ALK: variants seen among roughly 807,000 people sequenced by gnomAD.
ALK encodes the protein ALK receptor tyrosine kinase, also known as ALK tyrosine kinase receptor.
Under a neutral mutation model 163.1 loss-of-function variants are expected in ALK, and 74 were observed. The ratio of observed to expected loss-of-function variants is 0.45; its 90% CI spans 0.38 to 0.55. The LOEUF (loss-of-function observed/expected upper bound fraction) is 0.55. Ranked by LOEUF, ALK falls within the 20% of genes least tolerant of loss-of-function variation. ALK has a pLI of 0.00. For synonymous variants in ALK, 960 were observed against 843.2 expected (o/e 1.14, Z -2.40); for missense variants, 2,063 against 2,105.3 (o/e 0.98, Z 0.39).
At chr2:29,311,729 G>A (rs1309099794) in intron 8 of ALK, among the ~76,000 whole-genome samples, 1 of 152,110 alleles carries the variant, frequency 6.6e-6, no homozygotes, top group Non-Finnish European at 1.5e-5. Context: ...CCAGCTGTGT[G>A]TGGTCTAGGT....
chr2:29,603,784 C>A (rs1675443702), intron 3 of ALK, among the ~76,000 whole-genome samples: 1 of 152,112 alleles, frequency 6.6e-6, no homozygotes, highest in Admixed American at 6.5e-5. Context: ...AGAAACCATC[C>A]CTCAGTTTAT....
At chr2:29,212,192 T>C (rs12999369) in intron 24 of ALK, among the ~76,000 whole-genome samples, 60,575 of 152,050 alleles carry the variant, frequency 0.4, 14,011 homozygotes, top group Non-Finnish European at 0.52. Context: ...GTTGCTCTCA[T>C]AGGAGTCTAG....
At chr2:29,440,581 T>C (rs1281200868) in intron 4 of ALK, among the ~76,000 whole-genome samples, 2 of 152,124 alleles carry the variant, frequency 1.3e-5, no homozygotes, top group Non-Finnish European at 2.9e-5. Flanking sequence ...CCTCCCAAAG[T>C]GCTGGGATTA....
chr2:29,328,985 G>C (rs1667359762), intron 5 of ALK, among the ~76,000 whole-genome samples: 1 of 152,132 alleles, frequency 6.6e-6, no homozygotes, highest in African/African-American at 2.4e-5. Context: ...TTTCTGTTCT[G>C]GAATGCAAAG....
intron 3 of ALK, among the ~76,000 whole-genome samples, chr2:29,683,413 A>AAAAACC (rs1678135269): frequency 6.6e-6 from 1 of 151,784 alleles, no homozygotes; most frequent in Non-Finnish European, 1.5e-5. Context: ...AAACAAAAAC[A>AAAAACC]AAAAAAATGA....
chr2:29,303,676 T>C lies in ALK; in HGVS notation c.1648-6619A>G, dbSNP rs139690160. 9.7e-3 allele frequency among the ~76,000 whole-genome samples: 1,475 copies of C among 152,284 alleles called. 25 individuals carry two copies. The highest frequency in any genetic ancestry group is 0.033 in the African/African-American group (1,378 of 41,556). On this transcript the variant is annotated intron_variant, in intron 8 of 28. Coordinates refer to ENST00000389048, the MANE Select transcript of ALK (RefSeq NM_004304.5). Reference sequence around the variant, plus strand: ...CATCGGATAAAGAAAATGTGGTACATATATACCATGGAATACTACAGAGCC... The same window carrying C: ...CATCGGATAAAGAAAATGTGGTACACATATACCATGGAATACTACAGAGCC...
At chr2:29,916,349 C>A (rs1464923210) in intron 1 of ALK, among the ~76,000 whole-genome samples, 1 of 152,228 alleles carries the variant, frequency 6.6e-6, no homozygotes, top group East Asian at 1.9e-4. Context: ...TAGATTGTTA[C>A]CATGGCTTTC....
chr2:29,494,201 G>C (rs55926548), intron 4 of ALK, among the ~76,000 whole-genome samples: 39,464 of 152,092 alleles, frequency 0.26, 6,080 homozygotes, highest in Non-Finnish European at 0.35. Context: ...AGAAGGTGCA[G>C]TATAAATGGC....
chr2:29,329,863 G>A (rs1270442067), intron 5 of ALK, among the ~76,000 whole-genome samples: 1 of 152,180 alleles, frequency 6.6e-6, no homozygotes, highest in East Asian at 1.9e-4. Flanking sequence ...TCTTAATGAT[G>A]TCCATTTCCT....
At chr2:29,703,594 G>T (rs1238035624) in intron 2 of ALK, among the ~76,000 whole-genome samples, 1 of 152,202 alleles carries the variant, frequency 6.6e-6, no homozygotes, top group Non-Finnish European at 1.5e-5. Context: ...GGCTGATTCC[G>T]AATTTGCATA....
At chr2:29,665,109 T>A (rs1677475559) in intron 3 of ALK, among the ~76,000 whole-genome samples, 1 of 151,138 alleles carries the variant, frequency 6.6e-6, no homozygotes, top group Admixed American at 6.6e-5. Context: ...CAAGTGATCC[T>A]CCTGCCTCCA....
At chr2:29,380,962 A>C (rs1175151185) in intron 5 of ALK, among the ~76,000 whole-genome samples, 1 of 152,222 alleles carries the variant, frequency 6.6e-6, no homozygotes, top group East Asian at 1.9e-4. Context: ...GTCTAGAGGT[A>C]AAGGTTCTGG....
chr2:29,663,704 A>T (rs1038347463), intron 3 of ALK, among the ~76,000 whole-genome samples: 8 of 151,616 alleles, frequency 5.3e-5, no homozygotes, highest in African/African-American at 1.2e-4. Flanking sequence ...TTCAATGTTT[A>T]AAAAAAAAGA....
At chr2:29,563,474 C>T (rs1039282388) in intron 3 of ALK, among the ~76,000 whole-genome samples, 6 of 152,164 alleles carry the variant, frequency 3.9e-5, no homozygotes. Context: ...AGTGACCTTG[C>T]TCATGTGGGT....
At chr2:29,458,467 T>A (rs1671012034) in intron 4 of ALK, among the ~76,000 whole-genome samples, 1 of 152,178 alleles carries the variant, frequency 6.6e-6, no homozygotes, top group Admixed American at 6.5e-5. Context: ...CGCTAATCAT[T>A]ACACCTTGAT....
chr2:29,722,248 C>A (rs969154084), intron 1 of ALK, among the ~76,000 whole-genome samples: 1 of 152,196 alleles, frequency 6.6e-6, no homozygotes, highest in African/African-American at 2.4e-5. Flanking sequence ...ATATTTTATC[C>A]CACTGGTTCT....
chr2:29,825,516 C>T (rs1665171953), intron 1 of ALK, among the ~76,000 whole-genome samples: 1 of 152,130 alleles, frequency 6.6e-6, no homozygotes, highest in Non-Finnish European at 1.5e-5. Flanking sequence ...AGAAAGACAA[C>T]AGGGCTAGGC....
intron 1 of ALK, among the ~76,000 whole-genome samples, chr2:29,869,998 T>G (rs1293109006): frequency 6.6e-6 from 1 of 152,220 alleles, no homozygotes; most frequent in Non-Finnish European, 1.5e-5. Flanking sequence ...ATAATGATCT[T>G]CATCTATGAT....
intron 12 of ALK, among the ~76,000 whole-genome samples, chr2:29,240,115 G>A (rs564554039): frequency 3.3e-5 from 5 of 150,712 alleles, no homozygotes; most frequent in Admixed American, 6.6e-5. Flanking sequence ...AGGGAGGGAA[G>A]AAGGGAGAGA....
Sources: allele counts gnomAD v4.1 joint callset (sites outside exome capture counted in the v4.1 genomes callset), GRCh38; gene constraint gnomAD v4.1.1; transcripts MANE v1.5; gene names NCBI Gene and HGNC (gene_info 2026-07-23, HGNC 2026-07-21).